Variants in CSMD1 observed in about 807,000 individuals in gnomAD.
CSMD1 encodes the protein CUB and sushi domain-containing protein 1.
Under a neutral mutation model 417.5 loss-of-function variants are expected in CSMD1, and 213 were observed. The ratio of observed to expected loss-of-function variants is 0.51; its 90% CI spans 0.46 to 0.57. The LOEUF is 0.57. Ranked by LOEUF, CSMD1 falls within the 20% of genes least tolerant of loss-of-function variation. The probability of loss-of-function intolerance (pLI) is 0.00; values close to 1 mark genes in which losing one functional copy is unlikely to be tolerated. For synonymous variants in CSMD1, 2,862 were observed against 1,736.8 expected (o/e 1.65, Z -16.11); for missense variants, 6,923 against 4,529.7 (o/e 1.53, Z -15.17).
chr8:4,143,223 C>T (rs1803899337), intron 3 of CSMD1, among the ~76,000 whole-genome samples: 1 of 151,154 alleles, frequency 6.6e-6, no homozygotes, highest in Non-Finnish European at 1.5e-5. Context: ...ACGGTGTGGT[C>T]TAAACCCTCT....
intron 2 of CSMD1, among the ~76,000 whole-genome samples, chr8:4,470,341 T>A (rs1800453339): frequency 6.6e-6 from 1 of 152,200 alleles, no homozygotes; most frequent in Non-Finnish European, 1.5e-5. Flanking sequence ...GTCACTTGAC[T>A]ACGATGGTTC....
chr8:3,310,738 G>T (rs1161760920), intron 23 of CSMD1, among the ~76,000 whole-genome samples: 1 of 152,158 alleles, frequency 6.6e-6, no homozygotes, highest in Non-Finnish European at 1.5e-5. Context: ...TCCAGGTCCT[G>T]TCCGTGAAGA....
chr8:3,925,301 C>T (rs1809571794), intron 5 of CSMD1, among the ~76,000 whole-genome samples: 1 of 152,186 alleles, frequency 6.6e-6, no homozygotes, highest in African/African-American at 2.4e-5. Flanking sequence ...AGAGGTGAAG[C>T]ATCAGAGTAA....
intron 29 of CSMD1, among the ~76,000 whole-genome samples, chr8:3,218,132 C>G (rs1214261165): frequency 1.3e-5 from 2 of 152,054 alleles, no homozygotes; most frequent in African/African-American, 2.4e-5. Flanking sequence ...TGGTTTATAG[C>G]AAATCAAGGG....
At chr8:4,363,160 A>G (rs1233510052) in intron 3 of CSMD1, among the ~76,000 whole-genome samples, 1 of 152,226 alleles carries the variant, frequency 6.6e-6, no homozygotes, top group Non-Finnish European at 1.5e-5. Flanking sequence ...AGTTTCAAAC[A>G]TACCTAAACA....
intron 1 of CSMD1, among the ~76,000 whole-genome samples, chr8:4,978,691 A>C (rs539049866): frequency 5.9e-4 from 90 of 152,274 alleles, no homozygotes; most frequent in African/African-American, 2.1e-3. Context: ...TAATCCCAGC[A>C]CTTTGGGAGG....
intron 3 of CSMD1, among the ~76,000 whole-genome samples, chr8:4,199,138 T>A (rs1341523725): frequency 6.6e-6 from 1 of 152,184 alleles, no homozygotes; most frequent in Non-Finnish European, 1.5e-5. Flanking sequence ...TATATTTGTA[T>A]GAGACTGCAG....
chr8:3,804,216 G>C (rs904419825), intron 5 of CSMD1, among the ~76,000 whole-genome samples: 1 of 152,064 alleles, frequency 6.6e-6, no homozygotes, highest in Non-Finnish European at 1.5e-5. Flanking sequence ...ACAAGTGTGA[G>C]CCACTACACC....
At chr8:3,006,503 C>G (rs1313419008) in intron 52 of CSMD1, among the ~76,000 whole-genome samples, 2 of 152,112 alleles carry the variant, frequency 1.3e-5, no homozygotes, top group South Asian at 4.1e-4. Flanking sequence ...GGAGGTATCA[C>G]ACTACCTGAC....
Position 3,004,936 on chromosome 8 carries a change from C to T in CSMD1, c.8030-4805G>A, listed in dbSNP as rs547015321. 1.1e-3 allele frequency among the ~76,000 whole-genome samples: 175 copies of T among 152,206 alleles called. No individual in the cohort carries two copies. The Middle Eastern group carries it at 0.027, about 24-fold the overall frequency. Reference sequence around the variant, plus strand: ...GGTGGATCACCTGAGGTCAGGAGTTCGAGACCAGCCTGGCCAACATGGTGA... The same window carrying T: ...GGTGGATCACCTGAGGTCAGGAGTTTGAGACCAGCCTGGCCAACATGGTGA... On this transcript the variant is annotated intron_variant, in intron 52 of 69. Transcript: ENST00000635120.
chr8:3,236,906 G>A (rs992908506), intron 26 of CSMD1, among the ~76,000 whole-genome samples: 1 of 151,970 alleles, frequency 6.6e-6, no homozygotes, highest in Non-Finnish European at 1.5e-5. Context: ...TCCCACAGGC[G>A]TTCCCTGGAA....
chr8:4,777,471 TATA>T (rs1796924849), intron 1 of CSMD1, among the ~76,000 whole-genome samples: 5 of 152,190 alleles, frequency 3.3e-5, no homozygotes, highest in Non-Finnish European at 7.3e-5. Context: ...CCTAGACTCC[TATA>T]ATAAGATCAG....
At chr8:4,250,082 C>T (rs376443339) in intron 3 of CSMD1, among the ~76,000 whole-genome samples, 1 of 152,124 alleles carries the variant, frequency 6.6e-6, no homozygotes, top group African/African-American at 2.4e-5. Context: ...CCCCTCTTTG[C>T]CCTTCTGCCA....
chr8:3,277,284 T>A (rs1802368202), intron 26 of CSMD1, among the ~76,000 whole-genome samples: 1 of 149,996 alleles, frequency 6.7e-6, no homozygotes, highest in Non-Finnish European at 1.5e-5. Context: ...TAGGGGAGAG[T>A]TCTAAGCAGA....
chr8:4,972,905 G>C (rs1262931843), intron 1 of CSMD1, among the ~76,000 whole-genome samples: 4 of 152,084 alleles, frequency 2.6e-5, no homozygotes, highest in South Asian at 2.1e-4. Context: ...GACCTACCTT[G>C]TGGAGAGTAC....
Position 4,067,948 on chromosome 8 carries a change from G to A in CSMD1, c.416-35849C>T, listed in dbSNP as rs185733351. On this transcript the variant is annotated intron_variant, in intron 3 of 69. Coordinates refer to ENST00000635120, the MANE Select transcript of CSMD1 (RefSeq NM_033225.6). ...AAAAATTAACTGGGCATGGTGGTGCGCTCCTGTAATCCCAGCTACTTGGGA... is the reference window on the plus strand; with the variant it reads ...AAAAATTAACTGGGCATGGTGGTGCACTCCTGTAATCCCAGCTACTTGGGA... Among the ~76,000 whole-genome samples, 604 of 152,136 alleles carry A rather than the reference G, an allele frequency of 4.0e-3. 1 individual carries two copies. The highest frequency in any genetic ancestry group is 6.8e-3 in the Middle Eastern group (2 of 294).
intron 50 of CSMD1, among the ~76,000 whole-genome samples, chr8:3,048,072 C>T (rs1811575066): frequency 6.6e-6 from 1 of 152,118 alleles, no homozygotes; most frequent in Non-Finnish European, 1.5e-5. Context: ...AATAAAATTT[C>T]ACTGAGATGA....
chr8:4,856,661 G>A (rs1801817701), intron 1 of CSMD1, among the ~76,000 whole-genome samples: 1 of 148,214 alleles, frequency 6.7e-6, no homozygotes, highest in Non-Finnish European at 1.5e-5. Flanking sequence ...GATCAAAAGA[G>A]ACAAAGAAGG....
intron 3 of CSMD1, among the ~76,000 whole-genome samples, chr8:4,338,279 A>G (rs1193472844): frequency 1.3e-5 from 2 of 152,194 alleles, no homozygotes; most frequent in African/African-American, 4.8e-5. Flanking sequence ...TAAGTGCAAG[A>G]GTTCAATGCA....
Sources: allele counts gnomAD v4.1 joint callset (sites outside exome capture counted in the v4.1 genomes callset), GRCh38; gene constraint gnomAD v4.1.1; transcripts MANE v1.5; gene names NCBI Gene and HGNC (gene_info 2026-07-23, HGNC 2026-07-21).